CDH13: variants seen among roughly 807,000 people sequenced by gnomAD.
CDH13 encodes the protein cadherin 13, also known as cadherin-13.
CDH13 carries 24 observed loss-of-function variants against 63.8 expected under a neutral mutation model. The observed-to-expected ratio is 0.38, with a 90% CI of 0.27 to 0.53. The LOEUF (loss-of-function observed/expected upper bound fraction) is 0.53. Ranked by LOEUF, CDH13 falls within the 20% of genes least tolerant of loss-of-function variation. The pLI is 0.85. For synonymous variants in CDH13, 503 were observed against 355.3 expected (o/e 1.42, Z -4.67); for missense variants, 1,049 against 903.1 (o/e 1.16, Z -2.07).
chr16:82,891,404 C>G (rs766748753), intron 2 of CDH13, among the ~76,000 whole-genome samples: 4 of 152,144 alleles, frequency 2.6e-5, no homozygotes, highest in African/African-American at 7.2e-5. Context: ...GGTTAAGACT[C>G]AAGGGCTGTT....
chr16:82,749,244 C>A (rs367942648), intron 1 of CDH13, among the ~76,000 whole-genome samples: 2 of 152,108 alleles, frequency 1.3e-5, no homozygotes, highest in East Asian at 3.9e-4. Flanking sequence ...TCCCTGGATC[C>A]AGCTGTACCT....
At chr16:82,645,754 A>AT (rs917476925) in intron 1 of CDH13, among the ~76,000 whole-genome samples, 5 of 152,174 alleles carry the variant, frequency 3.3e-5, no homozygotes, top group African/African-American at 7.2e-5. Context: ...TTCATGTATA[A>AT]TTTTTCAAAA....
chr16:82,759,946 T>C (rs1283037318), intron 1 of CDH13, among the ~76,000 whole-genome samples: 1 of 152,230 alleles, frequency 6.6e-6, no homozygotes, highest in Non-Finnish European at 1.5e-5. Context: ...CTGTAAGTTT[T>C]CATTTATCAA....
intron 6 of CDH13, among the ~76,000 whole-genome samples, chr16:83,417,366 A>G (rs1326010239): frequency 6.6e-6 from 1 of 152,120 alleles, no homozygotes; most frequent in Non-Finnish European, 1.5e-5. Flanking sequence ...GAATTAGCAA[A>G]TGCTGCACCC....
intron 4 of CDH13, among the ~76,000 whole-genome samples, chr16:83,176,170 A>G (rs756280854): frequency 6.6e-6 from 1 of 151,318 alleles, no homozygotes; most frequent in Non-Finnish European, 1.5e-5. Flanking sequence ...TTTTAAATTA[A>G]TATGCTTCAA....
At chr16:83,110,430 A>G (rs1458725759) in intron 3 of CDH13, among the ~76,000 whole-genome samples, 2 of 152,228 alleles carry the variant, frequency 1.3e-5, no homozygotes, top group Non-Finnish European at 2.9e-5. Flanking sequence ...ATGCCTTGCA[A>G]TGCGGAAGAG....
At chr16:82,749,585 G>C (rs1354232052) in intron 1 of CDH13, among the ~76,000 whole-genome samples, 2 of 152,218 alleles carry the variant, frequency 1.3e-5, no homozygotes, top group Non-Finnish European at 2.9e-5. Context: ...CATACAGAGT[G>C]AGAGAGCTGG....
intron 10 of CDH13, among the ~76,000 whole-genome samples, chr16:83,695,572 C>A (rs1337671468): frequency 6.6e-6 from 1 of 152,174 alleles, no homozygotes. Context: ...TGGAAACCCA[C>A]AGCTAGGCTC....
chr16:83,397,144 C>G (rs1326722975), intron 6 of CDH13, among the ~76,000 whole-genome samples: 1 of 152,156 alleles, frequency 6.6e-6, no homozygotes, highest in Admixed American at 6.5e-5. Flanking sequence ...CGTGGGCAAC[C>G]CCTCCTTCTT....
intron 6 of CDH13, among the ~76,000 whole-genome samples, chr16:83,355,434 G>A (rs1005527383): frequency 6.6e-6 from 1 of 152,158 alleles, no homozygotes; most frequent in Admixed American, 6.5e-5. Context: ...AGAACTGAAT[G>A]GTTTTCTCTT....
In CDH13 at chr16:83,173,963, T is replaced by A. The variant is rs9931992; in HGVS notation, c.484-43382T>A. On this transcript the variant is annotated intron_variant, in intron 4 of 13. Transcript: ENST00000567109. Reference sequence around the variant, plus strand: ...ATATCCCTGGTTATTTCAAAGCCAGTATCACACCAGCATGTAGAGATATGA... The same window carrying A: ...ATATCCCTGGTTATTTCAAAGCCAGAATCACACCAGCATGTAGAGATATGA... Among the ~76,000 whole-genome samples, 3 of 151,854 alleles carry A rather than the reference T, an allele frequency of 2.0e-5. No homozygotes were observed. The South Asian group carries it at 6.2e-4, about 32-fold the overall frequency.
At chr16:83,379,938 T>TATATATAGAGAG in intron 6 of CDH13, among the ~76,000 whole-genome samples, 18 of 123,458 alleles carry the variant, frequency 1.5e-4, no homozygotes, top group African/African-American at 2.9e-4. Context: ...TATATATATA[T>TATATATAGAGAG]AGAGAGAGAG....
chr16:82,668,509 C>A (rs968566210), intron 1 of CDH13, among the ~76,000 whole-genome samples: 1 of 152,118 alleles, frequency 6.6e-6, no homozygotes, highest in Non-Finnish European at 1.5e-5. Context: ...ACCATTAGGG[C>A]AATGTTTTTT....
intron 7 of CDH13, among the ~76,000 whole-genome samples, chr16:83,587,310 A>T (rs997556015): frequency 6.6e-6 from 1 of 152,178 alleles, no homozygotes; most frequent in African/African-American, 2.4e-5. Context: ...GTGGGCAGGG[A>T]CCATTAACAT....
In CDH13 at chr16:83,144,272, C is replaced by T. The variant is rs1232026826; in HGVS notation, c.483+18771C>T. Among the ~76,000 whole-genome samples the T allele has an allele frequency of 2.0e-5, 3 of 152,204 alleles. No homozygotes were observed. The South Asian group carries it at 6.2e-4, about 32-fold the overall frequency. On this transcript the variant is annotated intron_variant, in intron 4 of 13. Coordinates refer to ENST00000567109, the MANE Select transcript of CDH13 (RefSeq NM_001257.5). ...ATAGTCAAGGCACCTTTTGTTCCTG[C>T]GGTTGACACTCTTCCAAATAGTTGA...
chr16:83,441,424 C>G (rs1030462810), intron 6 of CDH13, among the ~76,000 whole-genome samples: 1 of 152,180 alleles, frequency 6.6e-6, no homozygotes, highest in Non-Finnish European at 1.5e-5. Flanking sequence ...ACTTATGTTC[C>G]TACCAAATAT....
At chr16:82,802,875 C>G (rs2036935915) in intron 1 of CDH13, among the ~76,000 whole-genome samples, 1 of 152,194 alleles carries the variant, frequency 6.6e-6, no homozygotes, top group Non-Finnish European at 1.5e-5. Context: ...CTGCCACCAT[C>G]TGTGTTGCAT....
intron 10 of CDH13, among the ~76,000 whole-genome samples, chr16:83,728,284 C>T (rs886791131): frequency 2.0e-5 from 3 of 151,558 alleles, no homozygotes; most frequent in Admixed American, 6.6e-5. Context: ...GAGCCGTAAG[C>T]GGTGTGATTC....
intron 6 of CDH13, among the ~76,000 whole-genome samples, chr16:83,453,827 C>T (rs944778221): frequency 2.6e-5 from 4 of 152,200 alleles, no homozygotes; most frequent in Non-Finnish European, 4.4e-5. Flanking sequence ...CCCAAATCAG[C>T]CTGCTCTGTT....
Sources: allele counts gnomAD v4.1 joint callset (sites outside exome capture counted in the v4.1 genomes callset), GRCh38; gene constraint gnomAD v4.1.1; transcripts MANE v1.5; gene names NCBI Gene and HGNC (gene_info 2026-07-23, HGNC 2026-07-21).